Variants in RNF13 observed in about 807,000 individuals in gnomAD.
RNF13 encodes E3 ubiquitin-protein ligase RNF13.
Under a neutral mutation model 37.7 loss-of-function variants are expected in RNF13, and 19 were observed. That is an observed-to-expected ratio of 0.50 (90% confidence interval 0.35 to 0.74). The LOEUF is 0.74. RNF13 is among the 30% of genes least tolerant of loss of function. The pLI is 0.01. For missense variants in RNF13, 375 were observed against 453.0 expected (o/e 0.83, Z 1.56); for synonymous variants, 144 against 157.8 (o/e 0.91, Z 0.65).
At chr3:149,815,593 A>C (rs969170072) in intron 1 of RNF13, among the ~76,000 whole-genome samples, 1 of 152,232 alleles carries the variant, frequency 6.6e-6, no homozygotes, top group South Asian at 2.1e-4. Flanking sequence ...TTAGAAGCGA[A>C]TTCCTTTTAA....
intron 3 of RNF13, among the ~76,000 whole-genome samples, chr3:149,864,376 T>TTGTG (rs1021856067): frequency 1.3e-5 from 2 of 151,758 alleles, no homozygotes; most frequent in African/African-American, 4.8e-5. Context: ...GCCATGCCTT[T>TTGTG]TGTGTGTGTG....
At chr3:149,866,339 A>C (rs1452829543) in intron 3 of RNF13, among the ~76,000 whole-genome samples, 1 of 152,108 alleles carries the variant, frequency 6.6e-6, no homozygotes, top group Non-Finnish European at 1.5e-5. Context: ...TAGATTATTT[A>C]TGCCTCCCCT....
intron 3 of RNF13, among the ~76,000 whole-genome samples, chr3:149,859,595 T>C (rs2108409407): frequency 6.6e-6 from 1 of 152,312 alleles, no homozygotes; most frequent in South Asian, 2.1e-4. Context: ...GGCATCTTTT[T>C]TGTTCACTTA....
At chr3:149,841,432 AG>A (rs544364074) in intron 1 of RNF13, among the ~76,000 whole-genome samples, 109 of 152,296 alleles carry the variant, frequency 7.2e-4, no homozygotes, top group South Asian at 5.2e-3. Context: ...CAATTTAATA[AG>A]ATTTGTAGTT....
chr3:149,899,380 C>G (rs1052426489), intron 5 of RNF13, among the ~76,000 whole-genome samples: 2 of 152,032 alleles, frequency 1.3e-5, no homozygotes, highest in Admixed American at 1.3e-4. Context: ...ACCTGGGAGG[C>G]GGAGGGTGCA....
chr3:149,841,971 C>T (rs947531521), intron 1 of RNF13, among the ~76,000 whole-genome samples: 2 of 152,076 alleles, frequency 1.3e-5, no homozygotes, highest in Non-Finnish European at 2.9e-5. Context: ...CCCTCTTGCG[C>T]CTTCTCCAAC....
At chr3:149,950,691 G>T (rs1298477786) in intron 8 of RNF13, among the ~76,000 whole-genome samples, 2 of 151,534 alleles carry the variant, frequency 1.3e-5, no homozygotes, top group African/African-American at 4.9e-5. Flanking sequence ...GCCCAGGCTG[G>T]TCTTCAACAT....
At chr3:149,945,591 T>A (rs182831134) in intron 8 of RNF13, among the ~76,000 whole-genome samples, 1 of 152,154 alleles carries the variant, frequency 6.6e-6, no homozygotes, top group Admixed American at 6.5e-5. Flanking sequence ...GCACGCAGCT[T>A]GAGATCTGAG....
chr3:149,939,702 C>T (rs1720062124), intron 8 of RNF13: 1 of 807,398 alleles, frequency 1.2e-6, no homozygotes, highest in South Asian at 1.3e-5. Flanking sequence ...CATTATTCAC[C>T]TTAAAGTGAT....
intron 4 of RNF13, among the ~76,000 whole-genome samples, chr3:149,876,940 C>G (rs1712779470): frequency 6.6e-6 from 1 of 151,676 alleles, no homozygotes; most frequent in African/African-American, 2.4e-5. Flanking sequence ...CACCACGCCC[C>G]ACTAATTTTT....
intron 1 of RNF13, among the ~76,000 whole-genome samples, chr3:149,824,669 T>C (rs1720305708): frequency 6.6e-6 from 1 of 151,950 alleles, no homozygotes; most frequent in Non-Finnish European, 1.5e-5. Flanking sequence ...TTTGGGGCTT[T>C]TTTTTTTTAA....
At chr3:149,942,071 A>C (rs1258171781) in intron 8 of RNF13, among the ~76,000 whole-genome samples, 5 of 151,952 alleles carry the variant, frequency 3.3e-5, no homozygotes, top group Non-Finnish European at 7.4e-5. Context: ...TGGTGTATAT[A>C]TATCTGTCTT....
chr3:149,961,360 A>T lies in RNF13; in HGVS notation c.*256A>T, dbSNP rs1031855442. The T allele has an allele frequency of 7.2e-6, 4 of 554,906 alleles. No homozygotes were observed. The African/African-American group carries it at 7.4e-5, about 10-fold the overall frequency. The allele number at this position is 554,906 out of a possible 1,614,324, so 34.4% of individuals were successfully genotyped here. The stretch of plus-strand genomic sequence containing the variant: ...TTTGGAATGAAAGTATAGCCAAAAC[A>T]TAAAAAAAAAAAAATCCTCAGTATA... On this transcript the variant is annotated 3_prime_UTR_variant, in exon 10 of 10. Transcript: ENST00000392894.
At chr3:149,885,309 G>A (rs958215931) in intron 4 of RNF13, among the ~76,000 whole-genome samples, 5 of 152,102 alleles carry the variant, frequency 3.3e-5, no homozygotes, top group African/African-American at 9.7e-5. Flanking sequence ...TCTCCAAGCC[G>A]TTCTCCCTAG....
intron 8 of RNF13, among the ~76,000 whole-genome samples, chr3:149,943,038 G>A (rs1048687706): frequency 2.6e-5 from 4 of 152,020 alleles, no homozygotes; most frequent in African/African-American, 7.2e-5. Flanking sequence ...AAGTCCCACT[G>A]GTCATGGTAT....
At chr3:149,888,562 A>G (rs1714303672) in intron 4 of RNF13, among the ~76,000 whole-genome samples, 1 of 152,246 alleles carries the variant, frequency 6.6e-6, no homozygotes, top group African/African-American at 2.4e-5. Context: ...TCTTCGTGCA[A>G]AACAGCACTA....
At chr3:149,840,401 A>G (rs1444292546) in intron 1 of RNF13, among the ~76,000 whole-genome samples, 3 of 152,152 alleles carry the variant, frequency 2.0e-5, no homozygotes, top group South Asian at 4.1e-4. Flanking sequence ...ACAGAGTTAT[A>G]TTCTGTCTTT....
intron 1 of RNF13, among the ~76,000 whole-genome samples, chr3:149,817,045 G>A (rs1347449191): frequency 1.3e-5 from 2 of 152,150 alleles, no homozygotes; most frequent in Non-Finnish European, 2.9e-5. Flanking sequence ...GGAGGAGAGA[G>A]GATGATAGGG....
chr3:149,939,975 A>G (rs183436489), intron 8 of RNF13, among the ~76,000 whole-genome samples: 3 of 152,214 alleles, frequency 2.0e-5, no homozygotes, highest in African/African-American at 7.2e-5. Context: ...CACTCTGACA[A>G]TCTTTTGATT....
Sources: allele counts gnomAD v4.1 joint callset (sites outside exome capture counted in the v4.1 genomes callset), GRCh38; gene constraint gnomAD v4.1.1; transcripts MANE v1.5; gene names NCBI Gene and HGNC (gene_info 2026-07-23, HGNC 2026-07-21).